CD4: variants seen among roughly 807,000 people sequenced by gnomAD.
CD4 encodes CD4 molecule, also known as T-cell surface glycoprotein CD4.
In CD4, 25 loss-of-function variants were observed where a neutral mutation model predicts 50.5. That is an observed-to-expected ratio of 0.49 (90% CI 0.36 to 0.69). The LOEUF (loss-of-function observed/expected upper bound fraction) is 0.69, where lower values mean the gene tolerates loss of function less well. Among genes scored for constraint, CD4 ranks in the 30% least tolerant of loss-of-function variants. The pLI is 0.00. For missense variants in CD4, 456 were observed against 548.5 expected, an observed-to-expected ratio of 0.83 and a Z score of 1.68; for synonymous variants, 207 against 221.9, an observed-to-expected ratio of 0.93 and a Z score of 0.60.
intron 3 of CD4, among the ~76,000 whole-genome samples, chr12:6,810,647 G>A (rs1009963078): frequency 7.2e-5 from 11 of 152,182 alleles, no homozygotes; most frequent in Non-Finnish European, 1.3e-4. Flanking sequence ...GAAGAAAAAC[G>A]AATCATACTT....
chr12:6,808,782 G>A (rs1942849626), intron 3 of CD4, among the ~76,000 whole-genome samples: 1 of 152,002 alleles, frequency 6.6e-6, no homozygotes, highest in Non-Finnish European at 1.5e-5. Context: ...GCTAAATTAT[G>A]GTTTGCATTT....
At chr12:6,817,009 C>T in intron 6 of CD4, 121 bp from the exon 7 acceptor site, 2 of 775,496 alleles carry the variant, frequency 2.6e-6, no homozygotes, top group South Asian at 1.8e-5. Context: ...GCTGTTTTTC[C>T]TCGTAGGACT....
intron 1 of CD4, among the ~76,000 whole-genome samples, chr12:6,794,775 GTTTTTTTTTTGTTTT>G (rs1471604982): frequency 8.9e-6 from 1 of 112,542 alleles, no homozygotes; most frequent in Non-Finnish European, 1.8e-5. Context: ...CTGTATGTCT[GTTTTTTTTTTGTTTT>G]TTTTTTTTTT....
chr12:6,820,161 T>C lies in CD4; in HGVS notation c.*832T>C, dbSNP rs146044918. The C allele has an allele frequency of 1.3e-5, 2 of 152,298 alleles. No homozygotes were observed. The highest frequency in any genetic ancestry group is 2.9e-5 in the Non-Finnish European group (2 of 68,032). The allele number at this position is 152,298 out of a possible 1,614,324, so 9.4% of individuals were successfully genotyped here. A position where few individuals can be genotyped will look rare whatever the true frequency, so the allele number is the denominator to read the frequency against. ...ACAAATGCCACACGGCTCTCACCAGTGGCTAGTGGTGGGTACTCAATGTGT... is the reference window on the plus strand; with the variant it reads ...ACAAATGCCACACGGCTCTCACCAGCGGCTAGTGGTGGGTACTCAATGTGT... On this transcript the variant is annotated 3_prime_UTR_variant, in exon 10 of 10. Transcript: ENST00000011653.
Position 6,819,955 on chromosome 12 carries a change from A to G in CD4, c.*626A>G, listed in dbSNP as rs1943225715. ...CACATCCTCTGTCTATTTGAGACTT[A>G]GAAAAATCCTACAAGGCTGGCAGTG... On this transcript the variant is annotated 3_prime_UTR_variant, in exon 10 of 10. Coordinates refer to ENST00000011653, the MANE Select transcript of CD4 (RefSeq NM_000616.5). 1 of 152,678 alleles carries G rather than the reference A, an allele frequency of 6.5e-6. No individual in the cohort carries two copies. The highest frequency in any genetic ancestry group is 2.4e-5 in the African/African-American group (1 of 41,458). 9.5% of individuals were successfully genotyped at this position (152,678 alleles called of 1,614,324 possible). A position where few individuals can be genotyped will look rare whatever the true frequency, so the allele number is the denominator to read the frequency against.
chr12:6,803,042 T>C, intron 3 of CD4, among the ~76,000 whole-genome samples: 1 of 152,152 alleles, frequency 6.6e-6, no homozygotes, highest in East Asian at 1.9e-4. Context: ...CTAGACTAAC[T>C]ATTTAAAGTA....
intron 3 of CD4, chr12:6,813,689 AC>A (rs1482742529): frequency 6.5e-6 from 1 of 154,996 alleles, no homozygotes; most frequent in African/African-American, 2.4e-5. Context: ...ATTACAAATC[AC>A]CATCCAAAGA....
At chr12:6,797,255 G>C (rs761184861) in intron 1 of CD4, among the ~76,000 whole-genome samples, 1 of 151,728 alleles carries the variant, frequency 6.6e-6, no homozygotes, top group Non-Finnish European at 1.5e-5. Flanking sequence ...ACCACCCCCA[G>C]TCTCGCCTGT....
chr12:6,817,827 ACT>A (rs1411754352), intron 7 of CD4, among the ~76,000 whole-genome samples: 19 of 150,832 alleles, frequency 1.3e-4, no homozygotes, highest in African/African-American at 4.2e-4. Flanking sequence ...GCACTCACAC[ACT>A]GTCACACACT....
rs201498016 is a variant in CD4 at position 6,817,296 on chromosome 12, C to G, written c.1122C>G (p.Asp374Glu). 1.3e-6 allele frequency: 2 copies of G among 1,568,868 alleles called. No individual in the cohort carries two copies. Among genetic ancestry groups the G allele is most frequent in the East Asian group, 4.7e-5 (2 of 42,276 alleles). Residue 374 changes from aspartate (D) to glutamate (E), a missense_variant, in exon 7 of 10, where the codon GAC (aspartate) becomes GAG (glutamate). Asp to Glu is a conservative substitution (Grantham distance 45). Coordinates refer to ENST00000011653, the MANE Select transcript of CD4 (RefSeq NM_000616.5). ...GGATGTGGCAGTGTCTGCTGAGTGA[C>G]TCGGGACAGGTCCTGCTGGAATCCA... ...EAGMWQCLLS[D>E]SGQVLLESNI... is the part of the protein sequence containing the mutation.
chr12:6,808,208 A>G (rs1176241662), intron 3 of CD4, among the ~76,000 whole-genome samples: 1 of 150,232 alleles, frequency 6.7e-6, no homozygotes, highest in Admixed American at 6.7e-5. Flanking sequence ...TAATCCCAGC[A>G]CTTTGGGAGG....
At chr12:6,809,890 CTTTT>C (rs33952514) in intron 3 of CD4, among the ~76,000 whole-genome samples, 37 of 125,980 alleles carry the variant, frequency 2.9e-4, no homozygotes, top group Non-Finnish European at 4.5e-4. Flanking sequence ...GCCTATACCT[CTTTT>C]TTTTTTTTTT....
chr12:6,816,214 C>T lies in CD4; in HGVS notation c.766C>T (p.Leu256=), dbSNP rs782644958. The T allele has an allele frequency of 1.2e-6, 2 of 1,614,178 alleles. No homozygotes were observed. Among genetic ancestry groups the T allele is most frequent in the South Asian group, 2.2e-5 (2 of 91,072 alleles). Residue 256 remains leucine (L), a synonymous_variant, in exon 6 of 10, where the codon CTG becomes TTG. Transcript: ENST00000011653. The surrounding 1 kb of genome is among the most constrained non-coding windows in gnomAD (Gnocchi z 4.9). The part of the protein sequence containing the change: ...SSSKSWITFD[L]KNKEVSVKRV... ...CTCCAAGTCTTGGATCACCTTTGAC[C>T]TGAAGAACAAGGAAGTGTCTGTAAA...
At chr12:6,800,263 G>A in intron 2 of CD4, 44 bp from the exon 3 acceptor site, 2 of 1,612,616 alleles carry the variant, frequency 1.2e-6, no homozygotes, top group South Asian at 1.1e-5. Context: ...GGTAGAGGGG[G>A]ACAGCGGCGA....
chr12:6,794,403 G>A (rs1245439610), intron 1 of CD4, among the ~76,000 whole-genome samples: 2 of 131,270 alleles, frequency 1.5e-5, no homozygotes, highest in South Asian at 2.6e-4. Flanking sequence ...ATGGAGTCTC[G>A]CTCTGTTGCC....
intron 3 of CD4, among the ~76,000 whole-genome samples, chr12:6,812,765 T>C (rs1468202472): frequency 1.1e-5 from 1 of 88,304 alleles, no homozygotes; most frequent in Non-Finnish European, 2.2e-5. Context: ...GCAACCAAGG[T>C]TATTTTTGTG....
At chr12:6,814,698 T>C in intron 4 of CD4, 61 bp from the exon 5 acceptor site, 1 of 1,221,330 alleles carries the variant, frequency 8.2e-7, no homozygotes, top group Non-Finnish European at 1.2e-6. Context: ...TGGTTTCCTG[T>C]TGTCTGCCCT....
intron 1 of CD4, among the ~76,000 whole-genome samples, chr12:6,793,688 C>CTATG (rs1484650414): frequency 4.5e-5 from 4 of 88,790 alleles, no homozygotes; most frequent in African/African-American, 1.9e-4. Flanking sequence ...ATCTATCTAT[C>CTATG]TATCTATCTA....
chr12:6,793,478 A>G (rs1395459047), intron 1 of CD4, among the ~76,000 whole-genome samples: 2 of 152,050 alleles, frequency 1.3e-5, no homozygotes, highest in Non-Finnish European at 2.9e-5. Context: ...GGCTACTCCT[A>G]TTCTACTCTT....
Sources: allele counts gnomAD v4.1 joint callset (sites outside exome capture counted in the v4.1 genomes callset), GRCh38; gene constraint gnomAD v4.1.1; non-coding constraint Gnocchi (gnomAD v3.1); transcripts MANE v1.5; gene names NCBI Gene and HGNC (gene_info 2026-07-23, HGNC 2026-07-21).